Variants in TAF1 observed in about 807,000 individuals in gnomAD.
TAF1 encodes transcription initiation factor TFIID subunit 1.
TAF1 carries 2 observed loss-of-function variants against 138.5 expected under a neutral mutation model. The ratio of observed to expected loss-of-function variants is 0.01; its 90% CI spans 0.01 to 0.05. TAF1 has a LOEUF of 0.05. Among genes scored for constraint, TAF1 ranks in the 10% least tolerant of loss-of-function variants. The pLI, the probability that TAF1 is intolerant of heterozygous loss-of-function variation, is 1.00. For synonymous variants in TAF1, 437 were observed against 503.2 expected, an observed-to-expected ratio of 0.87 and a Z score of 1.76; for missense variants, 709 against 1,478.0, an observed-to-expected ratio of 0.48 and a Z score of 8.53.
chrX:71,462,392 A>G (rs1410417212), intron 37 of TAF1, among the ~76,000 whole-genome samples: 2 of 111,108 alleles, frequency 1.8e-5, no homozygotes, highest in Non-Finnish European at 3.8e-5. Context: ...CCTGGCCAAC[A>G]TGGTGAAACC....
At chrX:71,372,282 A>G (rs890578233) in intron 3 of TAF1, among the ~76,000 whole-genome samples, 2 of 109,009 alleles carry the variant, frequency 1.8e-5, no homozygotes, top group Non-Finnish European at 3.8e-5. Context: ...AAATGCAGAA[A>G]TTAGCTGGGT....
At chrX:71,516,119 C>T (rs371329810) in intron 13 of TAF1, among the ~76,000 whole-genome samples, 2 of 109,701 alleles carry the variant, frequency 1.8e-5, no homozygotes, top group African/African-American at 3.3e-5. Context: ...GGAAGTGCAA[C>T]GGTGCAATCT....
intron 35 of TAF1, chrX:71,459,201 G>T: frequency 9.1e-7 from 1 of 1,102,117 alleles, no homozygotes; most frequent in South Asian, 1.8e-5. Context: ...TGTAGATATT[G>T]AAGGGTATGA....
chrX:71,397,203 A>G (rs368671488), intron 22 of TAF1, 50 bp from the exon 23 acceptor site: 59 of 1,142,364 alleles, frequency 5.2e-5, no homozygotes, highest in Non-Finnish European at 7.0e-5. Context: ...GAAAATGATC[A>G]TTTGGGAGAT....
At chrX:71,372,215 T>G (rs1259612027) in intron 3 of TAF1, among the ~76,000 whole-genome samples, 1 of 110,354 alleles carries the variant, frequency 9.1e-6, no homozygotes, top group African/African-American at 3.3e-5. Context: ...ACGGATAACT[T>G]GAGGTCAGGA....
intron 13 of TAF1, among the ~76,000 whole-genome samples, chrX:71,502,401 G>A (rs1479271125): frequency 1.8e-5 from 2 of 111,322 alleles, no homozygotes; most frequent in African/African-American, 6.5e-5. Context: ...GACACAGAGT[G>A]CTGATTGGTG....
At chrX:71,443,956 C>G (rs1291416986) in intron 32 of TAF1, among the ~76,000 whole-genome samples, 6 of 111,375 alleles carry the variant, frequency 5.4e-5, no homozygotes, top group Non-Finnish European at 9.4e-5. Context: ...AGTGATCTGC[C>G]TGCCTCAGCC....
chrX:71,433,924 AC>A (rs1429722551), intron 32 of TAF1, among the ~76,000 whole-genome samples: 2 of 111,981 alleles, frequency 1.8e-5, no homozygotes, highest in Middle Eastern at 4.6e-3. Context: ...TGAAATGGTG[AC>A]ATCTAGAAAG....
chrX:71,502,358 G>A (rs985664944), intron 13 of TAF1, among the ~76,000 whole-genome samples: 1 of 111,190 alleles, frequency 9.0e-6, no homozygotes, highest in African/African-American at 3.3e-5. Context: ...GAGACACAGA[G>A]TGCTGACTGG....
intron 13 of TAF1, among the ~76,000 whole-genome samples, chrX:71,523,699 CATAGTAT>C: frequency 9.0e-6 from 1 of 111,714 alleles, no homozygotes; most frequent in East Asian, 2.8e-4. Context: ...ATCTTAAACA[CATAGTAT>C]CATAAGGAAA....
chrX:71,390,510 A>G (rs1347457753), intron 18 of TAF1, among the ~76,000 whole-genome samples: 4 of 111,172 alleles, frequency 3.6e-5, no homozygotes, highest in Non-Finnish European at 1.9e-5. Context: ...TTATGTACAT[A>G]TAGTACCCCT....
Position 71,439,579 on chromosome X carries a change from G to T in TAF1, c.4754-14591G>T, listed in dbSNP as rs1004381507. Among the ~76,000 whole-genome samples the T allele has an allele frequency of 2.2e-4, 25 of 111,976 alleles. No homozygotes were observed. In the Admixed American group the frequency reaches 2.4e-3, roughly 11 times the overall value. On this transcript the variant is annotated intron_variant, in intron 32 of 37. Coordinates refer to ENST00000423759, the MANE Select transcript of TAF1 (RefSeq NM_004606.5). ...TATTTTCATTTCCCCAGAGATAACA[G>T]CTTGGTCTATAGTCTTAGGTACTTT...
At position 71,480,679 on chromosome X, in the gene TAF1, A is replaced by G. The variant is rs188250209; in HGVS notation, c.1366+19876A>G. On this transcript the variant is annotated intron_variant and NMD_transcript_variant, in intron 13 of 14. Transcript: ENST00000373775. ...GGCAATAAATATCTGTGAGGTGGTG[A>G]TAAGTACTATAAAGAACACTAAAGT... Among the ~76,000 whole-genome samples, 12 of 111,941 alleles carry G rather than the reference A, an allele frequency of 1.1e-4. No individual in the cohort carries two copies. In the East Asian group the frequency reaches 3.4e-3, roughly 31 times the overall value.
intron 13 of TAF1, among the ~76,000 whole-genome samples, chrX:71,476,896 A>T (rs775079878): frequency 9.0e-6 from 1 of 110,895 alleles, no homozygotes; most frequent in African/African-American, 3.3e-5. Context: ...CGCAAAAATC[A>T]ATCTAGATGG....
chrX:71,489,066 GAAA>G (rs752683098), intron 13 of TAF1, among the ~76,000 whole-genome samples: 1 of 85,357 alleles, frequency 1.2e-5, no homozygotes. Context: ...GACTCTGTCT[GAAA>G]AAAAAAAAAA....
At position 71,397,373 on chromosome X, in the gene TAF1, A is replaced by T; in HGVS notation, c.3527A>T (p.Glu1176Val). 1 of 1,211,740 alleles carries T rather than the reference A, an allele frequency of 8.3e-7. No homozygotes were observed. Among genetic ancestry groups the T allele is most frequent in the Non-Finnish European group, 1.1e-6 (1 of 895,544 alleles). The change falls in exon 23 of 38, where the codon GAG (glutamate) becomes GTG (valine). Residue 1176 changes from glutamate (E) to valine (V), a missense_variant. This residue lies in a region of TAF1 where 21 missense variants were observed against 101.3 expected (regional missense o/e 0.21). Coordinates refer to ENST00000423759, the MANE Select transcript of TAF1 (RefSeq NM_004606.5). The stretch of plus-strand genomic sequence containing the variant: ...ATTTATCGCACGTTTCGAGATGAAG[A>T]GGGGAAAGAGTATGTTCGCTGTGAG... ...LKIYRTFRDE[E>V]GKEYVRCETV...
intron 13 of TAF1, among the ~76,000 whole-genome samples, chrX:71,495,203 G>T (rs2039374158): frequency 8.9e-6 from 1 of 111,935 alleles, no homozygotes; most frequent in African/African-American, 3.2e-5. Flanking sequence ...GTCCTCTTTA[G>T]TGAACTCTTT....
intron 13 of TAF1, among the ~76,000 whole-genome samples, chrX:71,505,201 A>G (rs897972118): frequency 1.8e-5 from 2 of 111,574 alleles, no homozygotes; most frequent in Non-Finnish European, 3.8e-5. Context: ...TAAATAGATA[A>G]ATAAATGGGG....
rs1361828088 is a variant in TAF1, at chrX:71,457,502, C to T, written c.4939-739C>T. On this transcript the variant is annotated intron_variant, in intron 34 of 37. Transcript: ENST00000423759. ...GAGCACTTTATCTAGTCCTTCTTGC[C>T]CTCCTGTCACAGAATAGTCCATTTG... Among the ~76,000 whole-genome samples the T allele has an allele frequency of 4.5e-5, 5 of 111,957 alleles. No individual in the cohort carries two copies. In the Admixed American group the frequency reaches 4.7e-4, roughly 11 times the overall value.
Sources: gnomAD v4.1 joint callset for allele counts (sites outside exome capture counted in the v4.1 genomes callset) on GRCh38, gnomAD v4.1.1 for gene constraint, gnomAD v4.1.1 regional missense constraint, MANE v1.5 for transcripts, NCBI Gene and HGNC (gene_info 2026-07-23, HGNC 2026-07-21) for gene names.